Variants in SMYD3 observed in about 807,000 individuals in gnomAD.
SMYD3 encodes the protein SET and MYND domain containing 3.
In SMYD3, 36 loss-of-function variants were observed where a neutral mutation model predicts 57.7. The observed-to-expected ratio is 0.62, with a 90% CI of 0.48 to 0.82. The LOEUF (loss-of-function observed/expected upper bound fraction) is 0.82, where lower values mean the gene tolerates loss of function less well. SMYD3 is among the 40% of genes least tolerant of loss of function. The pLI is 0.00. For synonymous variants in SMYD3, 211 were observed against 195.0 expected (o/e 1.08, Z -0.68); for missense variants, 515 against 538.8 (o/e 0.96, Z 0.44).
chr1:246,021,180 T>C (rs1002861277), intron 5 of SMYD3, among the ~76,000 whole-genome samples: 1 of 152,172 alleles, frequency 6.6e-6, no homozygotes, highest in African/African-American at 2.4e-5. Context: ...GAAGTTCCTT[T>C]CTTCACCTCG....
At chr1:245,766,606 G>A (rs933189640) in intron 10 of SMYD3, among the ~76,000 whole-genome samples, 2 of 152,088 alleles carry the variant, frequency 1.3e-5, no homozygotes, top group African/African-American at 4.8e-5. Context: ...AGGGCAGGAC[G>A]CCATCATCAG....
At chr1:246,441,641 T>C (rs1316425465) in intron 1 of SMYD3, among the ~76,000 whole-genome samples, 4 of 152,228 alleles carry the variant, frequency 2.6e-5, no homozygotes, top group African/African-American at 9.6e-5. Context: ...AGATAGAGTC[T>C]CACTCTGTCG....
At chr1:246,149,006 GT>G (rs1300906090) in intron 5 of SMYD3, among the ~76,000 whole-genome samples, 1 of 152,204 alleles carries the variant, frequency 6.6e-6, no homozygotes, top group African/African-American at 2.4e-5. Context: ...AGAAAACTAT[GT>G]TTGGCAATGC....
chr1:245,822,563 A>G (rs1179359574), intron 10 of SMYD3, among the ~76,000 whole-genome samples: 1 of 151,606 alleles, frequency 6.6e-6, no homozygotes, highest in Non-Finnish European at 1.5e-5. Context: ...AAGAAAAAAA[A>G]AAAAAGCCAC....
At chr1:245,925,563 C>G (rs1188045357) in intron 7 of SMYD3, among the ~76,000 whole-genome samples, 2 of 152,132 alleles carry the variant, frequency 1.3e-5, no homozygotes, top group Non-Finnish European at 2.9e-5. Flanking sequence ...GGACACAAGT[C>G]TTCTCCAATG....
At chr1:245,797,250 C>A (rs927814750) in intron 10 of SMYD3, among the ~76,000 whole-genome samples, 2 of 152,118 alleles carry the variant, frequency 1.3e-5, no homozygotes, top group African/African-American at 4.8e-5. Context: ...CAGCAGTACT[C>A]ACAATAGCAA....
At chr1:246,190,309 G>A (rs561717011) in intron 5 of SMYD3, among the ~76,000 whole-genome samples, 3 of 152,212 alleles carry the variant, frequency 2.0e-5, no homozygotes, top group South Asian at 2.1e-4. Flanking sequence ...ATGGGAGGCC[G>A]GGCGCGGTGG....
intron 5 of SMYD3, among the ~76,000 whole-genome samples, chr1:246,109,124 A>G (rs2061182442): frequency 6.6e-6 from 1 of 152,152 alleles, no homozygotes; most frequent in African/African-American, 2.4e-5. Flanking sequence ...ATATTCCAGA[A>G]CCTATCACAA....
intron 1 of SMYD3, among the ~76,000 whole-genome samples, chr1:246,364,907 T>G (rs2066073597): frequency 6.6e-6 from 1 of 152,000 alleles, no homozygotes; most frequent in Non-Finnish European, 1.5e-5. Flanking sequence ...GAGACACACT[T>G]CAAACAAAAG....
chr1:246,237,090 C>A (rs2063524517), intron 5 of SMYD3, among the ~76,000 whole-genome samples: 1 of 152,124 alleles, frequency 6.6e-6, no homozygotes. Context: ...AATAGCATCC[C>A]CCCACTTGTC....
rs1327733081 is a variant in SMYD3, at chr1:245,825,012, C to T, written c.1076+33484G>A. Among the ~76,000 whole-genome samples the T allele has an allele frequency of 2.0e-5, 3 of 151,992 alleles. No homozygotes were observed. In the East Asian group the frequency reaches 5.8e-4, roughly 29 times the overall value. On this transcript the variant is annotated intron_variant, in intron 10 of 11. Coordinates refer to ENST00000490107, the MANE Select transcript of SMYD3 (RefSeq NM_001167740.2). ...TGCCACTGCACTCCAGCCTGGGCAACAGAACAAGACTCTGTCTCAAAAGAA... is the reference window on the plus strand; with the variant it reads ...TGCCACTGCACTCCAGCCTGGGCAATAGAACAAGACTCTGTCTCAAAAGAA...
chr1:246,330,815 G>A lies in SMYD3; in HGVS notation c.337-278C>T, dbSNP rs531175627. On this transcript the variant is annotated intron_variant, in intron 3 of 11. Coordinates refer to ENST00000490107, the MANE Select transcript of SMYD3 (RefSeq NM_001167740.2). The stretch of plus-strand genomic sequence containing the variant: ...TATTCATAAAACCCTCTATAAAATC[G>A]TGTACCGGCCAAAAGAGTCAGTAAA... Among the ~76,000 whole-genome samples the A allele has an allele frequency of 1.2e-4, 18 of 152,136 alleles. No homozygotes were observed. In the South Asian group the frequency reaches 2.7e-3, roughly 23 times the overall value.
chr1:246,180,207 CAT>C (rs913700817), intron 5 of SMYD3, among the ~76,000 whole-genome samples: 81 of 146,952 alleles, frequency 5.5e-4, no homozygotes, highest in Middle Eastern at 7.2e-3. Flanking sequence ...TATATATACA[CAT>C]ATATTAGAAA....
intron 10 of SMYD3, among the ~76,000 whole-genome samples, chr1:245,830,079 G>A (rs962689064): frequency 6.6e-6 from 1 of 152,140 alleles, no homozygotes; most frequent in African/African-American, 2.4e-5. Flanking sequence ...AAGCCACTGA[G>A]TAGTACACTT....
chr1:246,444,149 C>A (rs1057279837), intron 1 of SMYD3, among the ~76,000 whole-genome samples: 2 of 136,740 alleles, frequency 1.5e-5, no homozygotes, highest in African/African-American at 5.5e-5. Context: ...TTTTTGGAGA[C>A]AGAGTCTCGT....
chr1:246,133,994 T>C (rs573359137), intron 5 of SMYD3, among the ~76,000 whole-genome samples: 2 of 152,246 alleles, frequency 1.3e-5, no homozygotes, highest in African/African-American at 4.8e-5. Flanking sequence ...TAAAAGTGCA[T>C]TGTATCTGGA....
chr1:246,253,501 T>C (rs2063828752), intron 5 of SMYD3, among the ~76,000 whole-genome samples: 1 of 152,236 alleles, frequency 6.6e-6, no homozygotes, highest in South Asian at 2.1e-4. Flanking sequence ...TACCACATTT[T>C]CTTCATCCAG....
intron 5 of SMYD3, among the ~76,000 whole-genome samples, chr1:246,138,165 T>C (rs1445274074): frequency 6.6e-6 from 1 of 152,138 alleles, no homozygotes; most frequent in Non-Finnish European, 1.5e-5. Context: ...AATTTACACA[T>C]AGCACCGAGG....
At chr1:246,057,449 T>C (rs933700145) in intron 5 of SMYD3, among the ~76,000 whole-genome samples, 4 of 152,316 alleles carry the variant, frequency 2.6e-5, no homozygotes, top group East Asian at 3.9e-4. Context: ...AAATATAGTT[T>C]TTGCATTAAA....
Sources: gnomAD v4.1 joint callset for allele counts (sites outside exome capture counted in the v4.1 genomes callset) on GRCh38, gnomAD v4.1.1 for gene constraint, MANE v1.5 for transcripts, NCBI Gene and HGNC (gene_info 2026-07-23, HGNC 2026-07-21) for gene names.